The following PRELID3A variants were observed in gnomAD, a reference collection of about 807,000 sequenced individuals.
The protein encoded by PRELID3A is PRELI domain containing 3A.
PRELID3A carries 27 observed loss-of-function variants against 23.0 expected under a neutral mutation model. The ratio of observed to expected loss-of-function variants is 1.17; its 90% CI spans 0.87 to 1.62. The LOEUF (loss-of-function observed/expected upper bound fraction) is 1.62, where lower values mean the gene tolerates loss of function less well. PRELID3A is among the 40% of genes most tolerant of loss of function. The probability of loss-of-function intolerance (pLI) is 0.00; values close to 1 mark genes in which losing one functional copy is unlikely to be tolerated. For missense variants in PRELID3A, 231 were observed against 231.4 expected (o/e 1.00, Z 0.01); for synonymous variants, 87 against 86.4 (o/e 1.01, Z -0.04).
intron 3 of PRELID3A, among the ~76,000 whole-genome samples, chr18:12,425,257 A>T (rs2030316310): frequency 2.0e-5 from 3 of 152,200 alleles, no homozygotes; most frequent in Admixed American, 2.0e-4. Flanking sequence ...CAGCATGCAT[A>T]GGACATTACT....
intron 3 of PRELID3A, among the ~76,000 whole-genome samples, chr18:12,424,557 C>T (rs1470916275): frequency 6.6e-6 from 1 of 152,218 alleles, no homozygotes. Context: ...ACACGTGAGA[C>T]TCTTGATAAC....
chr18:12,409,598 G>A (rs1453180055), intron 1 of PRELID3A, among the ~76,000 whole-genome samples: 3 of 152,112 alleles, frequency 2.0e-5, no homozygotes, highest in African/African-American at 7.2e-5. Context: ...TCTCAAGTGG[G>A]TTTCCATCAG....
chr18:12,419,418 C>G (rs535541126), intron 1 of PRELID3A, among the ~76,000 whole-genome samples: 1 of 148,042 alleles, frequency 6.8e-6, no homozygotes, highest in Non-Finnish European at 1.5e-5. Flanking sequence ...CACTTGAGGT[C>G]AGGAGTTCCA....
intron 3 of PRELID3A, among the ~76,000 whole-genome samples, chr18:12,424,420 C>G (rs1205152352): frequency 6.6e-6 from 1 of 152,156 alleles, no homozygotes; most frequent in Non-Finnish European, 1.5e-5. Flanking sequence ...AAGAACAAAC[C>G]TCAGAGGAGT....
At position 12,432,094 on chromosome 18, in the gene PRELID3A, C is replaced by T. The variant is rs1250402510; in HGVS notation, c.*978C>T. On this transcript the variant is annotated 3_prime_UTR_variant, in exon 7 of 7. Transcript: ENST00000440960. ...AAAAAGAGTACAGGAGTCTGGAGTCCGTTGAAGGGTAAAGGCCTCCCGCAA... is the reference window on the plus strand; with the variant it reads ...AAAAAGAGTACAGGAGTCTGGAGTCTGTTGAAGGGTAAAGGCCTCCCGCAA... 1 of 152,176 alleles carries T rather than the reference C, an allele frequency of 6.6e-6. No individual in the cohort carries two copies. The highest frequency in any genetic ancestry group is 1.5e-5 in the Non-Finnish European group (1 of 68,036). 9.4% of individuals were successfully genotyped at this position (152,176 alleles called of 1,614,324 possible). A position where few individuals can be genotyped will look rare whatever the true frequency, so the allele number is the denominator to read the frequency against.
At chr18:12,424,398 T>C (rs1399026638) in intron 3 of PRELID3A, among the ~76,000 whole-genome samples, 1 of 152,174 alleles carries the variant, frequency 6.6e-6, no homozygotes, top group African/African-American at 2.4e-5. Flanking sequence ...ACATTTCTTG[T>C]ATAAAAAAGA....
chr18:12,416,646 TC>T (rs2029961601), intron 1 of PRELID3A, among the ~76,000 whole-genome samples: 3 of 137,522 alleles, frequency 2.2e-5, no homozygotes, highest in Admixed American at 7.6e-5. Context: ...TTTCTTTCTT[TC>T]TTTTTTTTTT....
intron 1 of PRELID3A, among the ~76,000 whole-genome samples, chr18:12,419,666 G>C (rs1300766699): frequency 6.6e-6 from 1 of 151,732 alleles, no homozygotes; most frequent in Admixed American, 6.6e-5. Flanking sequence ...TAGGCCGGGC[G>C]TGGTGGCTCA....
intron 1 of PRELID3A, among the ~76,000 whole-genome samples, chr18:12,419,501 T>C (rs1366132932): frequency 1.3e-5 from 2 of 149,452 alleles, no homozygotes; most frequent in Non-Finnish European, 1.5e-5. Flanking sequence ...TGGTGGTGGG[T>C]GCCTGTAATC....
chr18:12,421,193 C>T (rs1347935611), intron 2 of PRELID3A: 2 of 245,342 alleles, frequency 8.2e-6, no homozygotes, highest in Non-Finnish European at 1.6e-5. Context: ...TGCCCCCAGC[C>T]TGACACCCCC....
At chr18:12,424,131 C>T (rs2030282404) in intron 3 of PRELID3A, among the ~76,000 whole-genome samples, 1 of 152,218 alleles carries the variant, frequency 6.6e-6, no homozygotes, top group East Asian at 1.9e-4. Context: ...TCACAGGAGC[C>T]TGTCAGGTCC....
intron 1 of PRELID3A, among the ~76,000 whole-genome samples, chr18:12,415,771 C>T (rs191977971): frequency 4.3e-4 from 65 of 152,266 alleles, no homozygotes; most frequent in African/African-American, 1.3e-3. Context: ...TTCATCTTCC[C>T]GACACTGTTG....
intron 3 of PRELID3A, among the ~76,000 whole-genome samples, chr18:12,425,090 C>T (rs918376954): frequency 6.6e-6 from 1 of 151,514 alleles, no homozygotes; most frequent in African/African-American, 2.4e-5. Flanking sequence ...TTGCAGTGAG[C>T]TGAGATCGCG....
chr18:12,417,168 TTTTTTA>T lies in PRELID3A; in HGVS notation c.33-3139_33-3134del, dbSNP rs557409927. On this transcript the variant is annotated intron_variant, in intron 1 of 6. Coordinates refer to ENST00000440960, the MANE Select transcript of PRELID3A (RefSeq NM_001142405.2). ...AATCATCAGCCAGAAAGATGCAAAT[TTTTTTA>T]TTTTTATTTTTATTTTTGAGATGGA... Among the ~76,000 whole-genome samples, 81 of 152,168 alleles carry T rather than the reference TTTTTTA, an allele frequency of 5.3e-4. 1 individual carries two copies. Among genetic ancestry groups the T allele is most frequent in the African/African-American group, 1.5e-3 (62 of 41,518 alleles).
chr18:12,428,631 A>G (rs1174290189), intron 5 of PRELID3A, among the ~76,000 whole-genome samples: 2 of 152,178 alleles, frequency 1.3e-5, no homozygotes, highest in African/African-American at 4.8e-5. Context: ...TAGAATCCAG[A>G]TTTGAGAAAC....
intron 2 of PRELID3A, chr18:12,421,185 C>A (rs533515387): frequency 3.2e-4 from 75 of 237,158 alleles, no homozygotes; most frequent in African/African-American, 1.7e-3. Flanking sequence ...GCACCTGCTG[C>A]CCCCAGCCTG....
intron 1 of PRELID3A, 135 bp downstream of exon 1, chr18:12,408,142 C>A: frequency 1.2e-6 from 1 of 815,766 alleles, no homozygotes; most frequent in Non-Finnish European, 1.6e-6. Context: ...CCGGCCGTTC[C>A]CAGACCGCAA....
intron 1 of PRELID3A, among the ~76,000 whole-genome samples, chr18:12,412,084 G>A (rs1381200052): frequency 6.6e-6 from 1 of 151,134 alleles, no homozygotes; most frequent in East Asian, 2.0e-4. Context: ...CTACTTTTTT[G>A]TATTTTTAGT....
intron 2 of PRELID3A, 106 bp from the exon 3 acceptor site, chr18:12,421,434 A>G: frequency 1.3e-6 from 1 of 760,332 alleles, no homozygotes. Context: ...ATCCCATGAT[A>G]TCATTTCTTG....
Sources: allele counts gnomAD v4.1 joint callset (sites outside exome capture counted in the v4.1 genomes callset), GRCh38; gene constraint gnomAD v4.1.1; transcripts MANE v1.5; gene names NCBI Gene and HGNC (gene_info 2026-07-23, HGNC 2026-07-21).